Variants in ENKUR observed in about 807,000 individuals in gnomAD.
The protein encoded by ENKUR is enkurin.
ENKUR carries 19 observed loss-of-function variants against 27.6 expected under a neutral mutation model. That is an observed-to-expected ratio of 0.69 (90% CI 0.48 to 1.01). The LOEUF is 1.01. ENKUR is among the 50% of genes least tolerant of loss of function. The pLI is 0.00. For missense variants in ENKUR, 312 were observed against 310.5 expected (o/e 1.00, Z -0.04); for synonymous variants, 117 against 96.9 (o/e 1.21, Z -1.22).
chr10:25,046,348 C>T (rs374048741), intron 2 of ENKUR, among the ~76,000 whole-genome samples: 5 of 152,264 alleles, frequency 3.3e-5, no homozygotes, highest in East Asian at 3.9e-4. Context: ...TTTTGATGAA[C>T]GCATTATGTC....
intron 2 of ENKUR, among the ~76,000 whole-genome samples, chr10:24,996,144 T>TA (rs2132687717): frequency 6.6e-6 from 1 of 152,310 alleles, no homozygotes; most frequent in African/African-American, 2.4e-5. Flanking sequence ...AAGGGCAACA[T>TA]AATCAATTAA....
At chr10:25,025,183 C>T (rs1256015286) in intron 2 of ENKUR, 5 of 1,614,154 alleles carry the variant, frequency 3.1e-6, no homozygotes, top group Non-Finnish European at 4.2e-6. Flanking sequence ...AGATAGGGTG[C>T]AAGACAAAAC....
chr10:25,016,380 CTAG>C (rs1462326186), upstream of ENKUR, among the ~76,000 whole-genome samples: 1 of 152,240 alleles, frequency 6.6e-6, no homozygotes, highest in Non-Finnish European at 1.5e-5. Flanking sequence ...AAGAAAAATC[CTAG>C]TAGAGACGGC....
At chr10:25,053,654 C>T (rs1378250759) in intron 2 of ENKUR, among the ~76,000 whole-genome samples, 1 of 152,038 alleles carries the variant, frequency 6.6e-6, no homozygotes, top group Non-Finnish European at 1.5e-5. Flanking sequence ...ACAATATTAC[C>T]TTCGGGTTTT....
chr10:24,991,314 C>G (rs1455507792), intron 3 of ENKUR, among the ~76,000 whole-genome samples: 1 of 151,940 alleles, frequency 6.6e-6, no homozygotes, highest in Non-Finnish European at 1.5e-5. Flanking sequence ...CCTGAAATAT[C>G]TTGAATATTT....
At chr10:25,017,021 C>G (rs1015560622), upstream of ENKUR, among the ~76,000 whole-genome samples, 14 of 152,160 alleles carry the variant, frequency 9.2e-5, no homozygotes, top group East Asian at 2.7e-3. Flanking sequence ...TGCGCTCGCC[C>G]TCCCGCCCCT....
upstream of ENKUR, chr10:25,016,692 G>A (rs1220149799): frequency 6.6e-6 from 1 of 152,368 alleles, no homozygotes; most frequent in South Asian, 2.1e-4. Flanking sequence ...GCTAGCTGCA[G>A]GTACGGTGCT....
At chr10:25,053,606 G>A (rs898596908) in intron 2 of ENKUR, among the ~76,000 whole-genome samples, 2 of 152,040 alleles carry the variant, frequency 1.3e-5, no homozygotes, top group African/African-American at 4.8e-5. Context: ...AATGAAAGTA[G>A]GTGACTTCAG....
At chr10:24,984,566 G>A in intron 5 of ENKUR, 170 bp downstream of exon 5, 1 of 1,026,532 alleles carries the variant, frequency 9.7e-7, no homozygotes, top group Non-Finnish European at 1.4e-6. Flanking sequence ...ATTTCTTCTT[G>A]TGTAAGTGAA....
intron 2 of ENKUR, among the ~76,000 whole-genome samples, chr10:25,046,462 A>T (rs1851123487): frequency 6.6e-6 from 1 of 152,130 alleles, no homozygotes; most frequent in Admixed American, 6.6e-5. Context: ...TACCCTAGAG[A>T]TGAAAAACTT....
intron 1 of ENKUR, among the ~76,000 whole-genome samples, chr10:25,010,649 GTGTT>G (rs1850422293): frequency 6.8e-6 from 1 of 146,616 alleles, no homozygotes; most frequent in Non-Finnish European, 1.5e-5. Context: ...CTGTGTCCAT[GTGTT>G]CTCATTGTTC....
intron 2 of ENKUR, among the ~76,000 whole-genome samples, chr10:25,035,372 T>C (rs1321755922): frequency 6.6e-6 from 1 of 152,074 alleles, no homozygotes; most frequent in African/African-American, 2.4e-5. Flanking sequence ...ATGGCCAACA[T>C]GGAAAAACCC....
intron 1 of ENKUR, among the ~76,000 whole-genome samples, chr10:25,006,043 A>G (rs567002064): frequency 6.6e-6 from 1 of 152,338 alleles, no homozygotes; most frequent in African/African-American, 2.4e-5. Context: ...CGTTATTTCT[A>G]CTTTTTAAAA....
At chr10:25,031,411 G>T (rs1405384175) in intron 2 of ENKUR, among the ~76,000 whole-genome samples, 1 of 152,124 alleles carries the variant, frequency 6.6e-6, no homozygotes, top group Non-Finnish European at 1.5e-5. Flanking sequence ...GAGGGTGAAA[G>T]GACATCTTGG....
intron 2 of ENKUR, among the ~76,000 whole-genome samples, chr10:25,055,043 A>T (rs1269774644): frequency 6.6e-6 from 1 of 152,060 alleles, no homozygotes; most frequent in Non-Finnish European, 1.5e-5. Flanking sequence ...ATATCTCAAG[A>T]TCCTTGGCTA....
At chr10:25,023,997 G>T (rs147479093) in intron 2 of ENKUR, 36 of 1,614,070 alleles carry the variant, frequency 2.2e-5, no homozygotes, top group Non-Finnish European at 3.0e-5. Flanking sequence ...TAATTGAGGG[G>T]TTGGCTTCTG....
intron 4 of ENKUR, among the ~76,000 whole-genome samples, chr10:24,987,778 A>G (rs925314383): frequency 7.9e-5 from 12 of 152,154 alleles, no homozygotes; most frequent in Admixed American, 2.6e-4. Context: ...GATGTACTTG[A>G]TAGTTTTGTG....
chr10:25,054,517 TCTTTCTTTCTTTC>T (rs1564358730), intron 2 of ENKUR, among the ~76,000 whole-genome samples: 32 of 113,036 alleles, frequency 2.8e-4, no homozygotes, highest in South Asian at 6.1e-4. Flanking sequence ...TTCTTTCCTT[TCTTTCTTTCTTTC>T]CTTTCTTTCT....
upstream of ENKUR, among the ~76,000 whole-genome samples, chr10:25,017,216 T>C (rs557537212): frequency 6.6e-6 from 1 of 152,330 alleles, no homozygotes; most frequent in South Asian, 2.1e-4. Context: ...GTTTTTGGTG[T>C]CCCTTGTTGG....
Sources: allele counts gnomAD v4.1 joint callset (sites outside exome capture counted in the v4.1 genomes callset), GRCh38; gene constraint gnomAD v4.1.1; transcripts MANE v1.5; gene names NCBI Gene and HGNC (gene_info 2026-07-23, HGNC 2026-07-21).